The following PDE3A variants were observed in gnomAD, a reference collection of about 807,000 sequenced individuals.
PDE3A encodes the protein phosphodiesterase 3A.
PDE3A carries 43 observed loss-of-function variants against 98.3 expected under a neutral mutation model. That is an observed-to-expected ratio of 0.44 (90% CI 0.34 to 0.56). The LOEUF (loss-of-function observed/expected upper bound fraction) is 0.56. PDE3A is among the 20% of genes least tolerant of loss of function. The pLI is 0.01. For synonymous variants in PDE3A, 663 were observed against 567.9 expected (o/e 1.17, Z -2.38); for missense variants, 1,427 against 1,440.7 (o/e 0.99, Z 0.15).
chr12:20,461,236 G>A (rs200650098), intron 1 of PDE3A, among the ~76,000 whole-genome samples: 202 of 98,288 alleles, frequency 2.1e-3, no homozygotes, highest in Middle Eastern at 5.7e-3. Flanking sequence ...GTGTTTGTCA[G>A]AAAAAAAAAA....
In PDE3A at chr12:20,502,695, T is replaced by C. The variant is rs1490267996; in HGVS notation, c.961-53965T>C. On this transcript the variant is annotated intron_variant, in intron 1 of 15. Transcript: ENST00000359062. ...ACATCATCCAATCTAACCTTTCCAG[T>C]TTATATCAAGGAAACTAAGACTATG... is the stretch of plus-strand genomic sequence containing the variant. Among the ~76,000 whole-genome samples the C allele has an allele frequency of 2.0e-5, 3 of 152,150 alleles. No individual in the cohort carries two copies. In the East Asian group the frequency reaches 5.8e-4, roughly 29 times the overall value.
intron 1 of PDE3A, among the ~76,000 whole-genome samples, chr12:20,439,851 T>C (rs1268730185): frequency 6.6e-6 from 1 of 152,118 alleles, no homozygotes; most frequent in Non-Finnish European, 1.5e-5. Context: ...TAAGTCAGTC[T>C]GGAAAAAATA....
Position 20,684,236 on chromosome 12 carries a change from C to T in PDE3A, c.*3965C>T, listed in dbSNP as rs926649231. 6.6e-6 allele frequency: 1 copy of T among 152,004 alleles called. No individual in the cohort carries two copies. The highest frequency in any genetic ancestry group is 1.5e-5 in the Non-Finnish European group (1 of 67,988). 9.4% of individuals were successfully genotyped at this position (152,004 alleles called of 1,614,324 possible). A position where few individuals can be genotyped will look rare whatever the true frequency, so the allele number is the denominator to read the frequency against. ...TGTCAGTATCGGGCTCTCCATTGTC[C>T]TCATCATTTATAGTACTTCTAAAAT... is the stretch of plus-strand genomic sequence containing the variant. On this transcript the variant is annotated 3_prime_UTR_variant, in exon 16 of 16. Transcript: ENST00000359062.
At chr12:20,619,636 A>G (rs1276796604) in intron 4 of PDE3A, among the ~76,000 whole-genome samples, 4 of 152,096 alleles carry the variant, frequency 2.6e-5, no homozygotes, top group Non-Finnish European at 5.9e-5. Flanking sequence ...TCAGCTCATT[A>G]TTTCCTAAAT....
intron 4 of PDE3A, among the ~76,000 whole-genome samples, chr12:20,616,963 C>G (rs141070227): frequency 6.6e-6 from 1 of 152,174 alleles, no homozygotes; most frequent in East Asian, 1.9e-4. Flanking sequence ...ATATTAACAT[C>G]TAAAAAGAAT....
chr12:20,561,353 T>G (rs1164288140), intron 2 of PDE3A, among the ~76,000 whole-genome samples: 1 of 152,170 alleles, frequency 6.6e-6, no homozygotes, highest in Admixed American at 6.5e-5. Context: ...ACTTCAGTTT[T>G]CTTGGTAGGA....
chr12:20,489,074 G>A (rs140147850), intron 1 of PDE3A, among the ~76,000 whole-genome samples: 274 of 152,204 alleles, frequency 1.8e-3, no homozygotes, highest in African/African-American at 5.9e-3. Flanking sequence ...TCCAAATACC[G>A]TACTCCAAAA....
At chr12:20,477,330 A>T (rs1482580062) in intron 1 of PDE3A, among the ~76,000 whole-genome samples, 2 of 152,224 alleles carry the variant, frequency 1.3e-5, no homozygotes, top group African/African-American at 4.8e-5. Context: ...CCTATTAAAA[A>T]ATATCACAGC....
chr12:20,477,486 T>C (rs1195199341), intron 1 of PDE3A, among the ~76,000 whole-genome samples: 2 of 152,178 alleles, frequency 1.3e-5, no homozygotes, highest in Non-Finnish European at 2.9e-5. Flanking sequence ...ACTTTTTTTT[T>C]GGTAGAGTCA....
At chr12:20,553,062 C>T in intron 1 of PDE3A, 3 of 1,088,652 alleles carry the variant, frequency 2.8e-6, no homozygotes, top group Admixed American at 2.1e-5. Flanking sequence ...TCGGAGGGCT[C>T]GTTCATCGGC....
At chr12:20,583,782 A>C (rs1943128242) in intron 2 of PDE3A, among the ~76,000 whole-genome samples, 3 of 152,190 alleles carry the variant, frequency 2.0e-5, no homozygotes, top group Non-Finnish European at 4.4e-5. Flanking sequence ...TGATCAATGA[A>C]AATTGTTTTA....
intron 1 of PDE3A, among the ~76,000 whole-genome samples, chr12:20,371,036 GA>G (rs1295016862): frequency 6.6e-6 from 1 of 152,140 alleles, no homozygotes; most frequent in Non-Finnish European, 1.5e-5. Context: ...AATTCAAATG[GA>G]TTTATGCAGA....
At chr12:20,411,954 T>C (rs1239813025) in intron 1 of PDE3A, among the ~76,000 whole-genome samples, 2 of 152,162 alleles carry the variant, frequency 1.3e-5, no homozygotes, top group East Asian at 3.8e-4. Context: ...TTTCTCAGTG[T>C]TTATATCTGT....
intron 1 of PDE3A, among the ~76,000 whole-genome samples, chr12:20,419,182 C>T (rs1159175673): frequency 6.6e-6 from 1 of 152,088 alleles, no homozygotes; most frequent in East Asian, 1.9e-4. Flanking sequence ...TTTTAAAGTG[C>T]CCTGTGACAT....
chr12:20,485,439 G>GT (rs145864739), intron 1 of PDE3A, among the ~76,000 whole-genome samples: 4,387 of 150,840 alleles, frequency 0.029, 213 homozygotes, highest in African/African-American at 0.099. Flanking sequence ...CTGCAAATAT[G>GT]TTTTTTTTTA....
At chr12:20,665,219 C>G (rs1945280182) in intron 15 of PDE3A, among the ~76,000 whole-genome samples, 1 of 152,176 alleles carries the variant, frequency 6.6e-6, no homozygotes, top group Non-Finnish European at 1.5e-5. Context: ...TTTATCTTGT[C>G]TGTCAGAGGG....
intron 1 of PDE3A, among the ~76,000 whole-genome samples, chr12:20,532,645 T>C (rs941525236): frequency 1.1e-4 from 17 of 151,532 alleles, no homozygotes; most frequent in Non-Finnish European, 2.4e-4. Context: ...TTGGGTTGAA[T>C]AGATACATTT....
Position 20,369,664 on chromosome 12 carries a change from G to C in PDE3A, c.380G>C (p.Ser127Thr). 2 of 1,605,996 alleles carry C rather than the reference G, an allele frequency of 1.2e-6. No individual in the cohort carries two copies. Among genetic ancestry groups the C allele is most frequent in the Non-Finnish European group, 8.5e-7 (1 of 1,177,124 alleles). ...GCTCCCGGGGGCGGTGCGCGGCTCA[G>C]CCCCTGGCTGCAGCCCTCGGCGCTG... ...GGAPGGGARL[S>T]PWLQPSALLF... is the part of the protein sequence containing the mutation. The change falls in exon 1 of 16, where the codon AGC (serine) becomes ACC (threonine). Residue 127 changes from serine (S) to threonine (T), a missense_variant. This residue lies in a region of PDE3A where 1,012 missense variants were observed against 886.5 expected (regional missense o/e 1.14). Coordinates refer to ENST00000359062, the MANE Select transcript of PDE3A (RefSeq NM_000921.5).
Position 20,682,213 on chromosome 12 carries a change from C to T in PDE3A, c.*1942C>T, listed in dbSNP as rs917004664. On this transcript the variant is annotated 3_prime_UTR_variant, in exon 16 of 16. Coordinates refer to ENST00000359062, the MANE Select transcript of PDE3A (RefSeq NM_000921.5). ...CATATTTTATAGTTGGTGTCCATTT[C>T]TTTCCAACACTGTTTGTTATGATTC... 7.9e-5 allele frequency: 12 copies of T among 152,186 alleles called. No individual in the cohort carries two copies. The highest frequency in any genetic ancestry group is 1.6e-4 in the Non-Finnish European group (11 of 68,014). 9.4% of individuals were successfully genotyped at this position (152,186 alleles called of 1,614,324 possible). A position where few individuals can be genotyped will look rare whatever the true frequency, so the allele number is the denominator to read the frequency against.
Sources: gnomAD v4.1 joint callset for allele counts (sites outside exome capture counted in the v4.1 genomes callset) on GRCh38, gnomAD v4.1.1 for gene constraint, gnomAD v4.1.1 regional missense constraint, MANE v1.5 for transcripts, NCBI Gene and HGNC (gene_info 2026-07-23, HGNC 2026-07-21) for gene names.